Variants in ALK observed in about 807,000 individuals in gnomAD.
ALK encodes the protein ALK receptor tyrosine kinase, also known as ALK tyrosine kinase receptor.
ALK carries 74 observed loss-of-function variants against 163.1 expected under a neutral mutation model. The ratio of observed to expected loss-of-function variants is 0.45; its 90% confidence interval spans 0.38 to 0.55. ALK has a LOEUF of 0.55. ALK is among the 20% of genes least tolerant of loss of function. The pLI, the probability that ALK is intolerant of heterozygous loss-of-function variation, is 0.00. For synonymous variants in ALK, 960 were observed against 843.2 expected, an observed-to-expected ratio of 1.14 and a Z score of -2.40; for missense variants, 2,063 against 2,105.3, an observed-to-expected ratio of 0.98 and a Z score of 0.39.
intron 28 of ALK, among the ~76,000 whole-genome samples, chr2:29,195,807 G>A (rs895523649): frequency 3.9e-5 from 6 of 152,158 alleles, no homozygotes; most frequent in Admixed American, 1.3e-4. Flanking sequence ...CTGGCAGAAC[G>A]AGAACCAAGA....
intron 4 of ALK, among the ~76,000 whole-genome samples, chr2:29,395,186 C>T (rs1669273305): frequency 6.6e-6 from 1 of 152,230 alleles, no homozygotes; most frequent in South Asian, 2.1e-4. Flanking sequence ...CGAATGCAAG[C>T]CTCTGAGCCA....
At chr2:29,876,475 GTGGTGA>G (rs1666714440) in intron 1 of ALK, among the ~76,000 whole-genome samples, 1 of 149,634 alleles carries the variant, frequency 6.7e-6, no homozygotes, top group Non-Finnish European at 1.5e-5. Context: ...TGTGATGATG[GTGGTGA>G]TGGTGATGGT....
At chr2:29,853,064 A>G (rs1424359298) in intron 1 of ALK, among the ~76,000 whole-genome samples, 1 of 152,220 alleles carries the variant, frequency 6.6e-6, no homozygotes, top group Non-Finnish European at 1.5e-5. Context: ...AATGACTAAG[A>G]TAACAGCTAT....
At chr2:29,234,344 C>T (rs777749791) in intron 13 of ALK, among the ~76,000 whole-genome samples, 9 of 152,078 alleles carry the variant, frequency 5.9e-5, no homozygotes, top group East Asian at 1.9e-4. Context: ...CTATGAGAGC[C>T]GTTCTCTCAC....
chr2:29,705,244 T>TAC (rs1558451136), intron 2 of ALK, among the ~76,000 whole-genome samples: 2 of 27,028 alleles, frequency 7.4e-5, no homozygotes, highest in Admixed American at 3.2e-4. Context: ...AAAAGAAATA[T>TAC]ATATATATAT....
At position 29,223,274 on chromosome 2, in the gene ALK, G is replaced by A. The variant is rs1050893270; in HGVS notation, c.3359+68C>T. 2.3e-5 allele frequency: 36 copies of A among 1,559,948 alleles called. No homozygotes were observed. The East Asian group carries it at 2.7e-4, about 12-fold the overall frequency. On this transcript the variant is annotated intron_variant, in intron 20 of 28. Coordinates refer to ENST00000389048, the MANE Select transcript of ALK (RefSeq NM_004304.5). ...GCCTTTTGTGGCTAGAGGAGTCTGC[G>A]GTGCTGTGATAACATTCAGCCCCTA...
intron 1 of ALK, among the ~76,000 whole-genome samples, chr2:29,810,314 C>T (rs184169915): frequency 6.6e-6 from 1 of 150,490 alleles, no homozygotes; most frequent in Non-Finnish European, 1.5e-5. Flanking sequence ...TCCAGCTACT[C>T]GGGAGGCTGA....
intron 4 of ALK, among the ~76,000 whole-genome samples, chr2:29,448,845 T>G (rs1354919551): frequency 2.6e-5 from 4 of 152,200 alleles, no homozygotes; most frequent in Non-Finnish European, 4.4e-5. Flanking sequence ...CTGAATCCTC[T>G]TAGAAAATCT....
At chr2:29,535,379 A>C (rs954043564) in intron 3 of ALK, among the ~76,000 whole-genome samples, 1 of 152,256 alleles carries the variant, frequency 6.6e-6, no homozygotes. Flanking sequence ...CTCAACCAGC[A>C]GGGCTCACAT....
chr2:29,862,638 T>G (rs992987713), intron 1 of ALK, among the ~76,000 whole-genome samples: 1 of 152,098 alleles, frequency 6.6e-6, no homozygotes, highest in African/African-American at 2.4e-5. Context: ...AAATAAATTT[T>G]AAAATATCCT....
chr2:29,921,130 G>A lies in ALK; in HGVS notation c.-471C>T, dbSNP rs1667993427. 2.5e-5 allele frequency: 6 copies of A among 241,228 alleles called. No homozygotes were observed. Among genetic ancestry groups the A allele is most frequent in the Admixed American group, 5.3e-5 (1 of 18,782 alleles). The allele number at this position is 241,228 out of a possible 1,614,324, so 14.9% of individuals were successfully genotyped here. A position where few individuals can be genotyped will look rare whatever the true frequency, so the allele number is the denominator to read the frequency against. On this transcript the variant is annotated 5_prime_UTR_variant, in exon 1 of 29. Transcript: ENST00000389048. ...GAACGGCGGCTCCCAGCTGCTGCAC[G>A]CTGTCCTGGCCGCCTTTTGCGTTCC...
At chr2:29,552,803 C>T (rs1164184636) in intron 3 of ALK, among the ~76,000 whole-genome samples, 1 of 152,292 alleles carries the variant, frequency 6.6e-6, no homozygotes, top group East Asian at 1.9e-4. Context: ...TTCCCTGCTT[C>T]CGTATCTCAA....
At chr2:29,547,910 C>G (rs2148172070) in intron 3 of ALK, among the ~76,000 whole-genome samples, 1 of 152,280 alleles carries the variant, frequency 6.6e-6, no homozygotes, top group South Asian at 2.1e-4. Flanking sequence ...TAATAACGAA[C>G]AATTTTATTA....
intron 4 of ALK, among the ~76,000 whole-genome samples, chr2:29,520,582 GA>G (rs541337831): frequency 1.5e-3 from 234 of 152,310 alleles, no homozygotes; most frequent in African/African-American, 4.5e-3. Context: ...TCTGCTCACA[GA>G]AGGTCTGGGG....
chr2:29,902,511 T>C (rs1302365348), intron 1 of ALK, among the ~76,000 whole-genome samples: 2 of 152,204 alleles, frequency 1.3e-5, no homozygotes. Context: ...CATCAGGCCT[T>C]TGATGGCTGC....
chr2:29,513,977 A>G (rs59981256), intron 4 of ALK, among the ~76,000 whole-genome samples: 15,681 of 77,268 alleles, frequency 0.2, 1,998 homozygotes, highest in East Asian at 0.34. Context: ...TTAGAATGGC[A>G]ATCATTAAAA....
intron 28 of ALK, among the ~76,000 whole-genome samples, chr2:29,196,336 G>T (rs1350047399): frequency 1.3e-5 from 2 of 152,200 alleles, no homozygotes; most frequent in African/African-American, 4.8e-5. Context: ...TAATCCTCCT[G>T]ACATATATAG....
rs371838584 is a variant in ALK, at chr2:29,729,166, G to C, written c.668-11469C>G. On this transcript the variant is annotated intron_variant, in intron 1 of 28. Coordinates refer to ENST00000389048, the MANE Select transcript of ALK (RefSeq NM_004304.5). The stretch of plus-strand genomic sequence containing the variant: ...CTGAATTACCTTCTGGAAAAGTGAA[G>C]GGTTGAATCTGCCCCAGGAACTCTT... Among the ~76,000 whole-genome samples the C allele has an allele frequency of 2.6e-5, 4 of 152,212 alleles. No homozygotes were observed. In the East Asian group the frequency reaches 7.7e-4, roughly 29 times the overall value.
intron 1 of ALK, among the ~76,000 whole-genome samples, chr2:29,835,970 C>G (rs1462551325): frequency 6.6e-6 from 1 of 152,128 alleles, no homozygotes; most frequent in African/African-American, 2.4e-5. Context: ...TAGTCCAACT[C>G]ACTTGCCTTG....
Sources: allele counts gnomAD v4.1 joint callset (sites outside exome capture counted in the v4.1 genomes callset), GRCh38; gene constraint gnomAD v4.1.1; transcripts MANE v1.5; gene names NCBI Gene and HGNC (gene_info 2026-07-23, HGNC 2026-07-21).